Variants in ADCY6 observed in about 807,000 individuals in gnomAD.
The protein encoded by ADCY6 is adenylate cyclase 6, also known as adenylate cyclase type 6.
Under a neutral mutation model 111.6 loss-of-function variants are expected in ADCY6, and 59 were observed. That is an observed-to-expected ratio of 0.53 (90% CI 0.43 to 0.66). The LOEUF (loss-of-function observed/expected upper bound fraction) is 0.66, where lower values mean the gene tolerates loss of function less well. Among genes scored for constraint, ADCY6 ranks in the 30% least tolerant of loss-of-function variants. The pLI, the probability that ADCY6 is intolerant of heterozygous loss-of-function variation, is 0.00. For synonymous variants in ADCY6, 576 were observed against 642.9 expected, an observed-to-expected ratio of 0.90 and a Z score of 1.57; for missense variants, 1,242 against 1,595.6, an observed-to-expected ratio of 0.78 and a Z score of 3.78.
Position 48,776,353 on chromosome 12 carries a change from G to A in ADCY6, c.1536-3C>T, listed in dbSNP as rs376721184. The A allele has an allele frequency of 2.5e-6, 4 of 1,614,082 alleles. No individual in the cohort carries two copies. The African/African-American group carries it at 4.0e-5, about 16-fold the overall frequency. ...TTGCCCGAGTGATGTGGATGCGGCTGTATGTGGCCAAGAGGGTGAGACCCT... is the reference window on the plus strand; with the variant it reads ...TTGCCCGAGTGATGTGGATGCGGCTATATGTGGCCAAGAGGGTGAGACCCT... On this transcript the variant is annotated splice_region_variant and splice_polypyrimidine_tract_variant and intron_variant, in intron 7 of 21. Coordinates refer to ENST00000357869, the MANE Select transcript of ADCY6 (RefSeq NM_015270.5). The surrounding 1 kb of genome is among the most constrained non-coding windows in gnomAD (Gnocchi z 6.1).
Position 48,782,720 on chromosome 12 carries a change from G to A in ADCY6, c.715C>T (p.Leu239Phe), listed in dbSNP as rs200593680. 13 of 1,595,066 alleles carry A rather than the reference G, an allele frequency of 8.2e-6. No individual in the cohort carries two copies. The highest frequency in any genetic ancestry group is 1.1e-5 in the Non-Finnish European group (13 of 1,170,292). ...TAGACAAAGAACACAGGGCACCAGA[G>A]GCCCGCAGAGGGGCTGCGCGGGTCT... ...AADPRSPSAG[L>F]WCPVFFVYIA... The change falls in exon 2 of 22, where the codon CTC becomes TTC. Residue 239 changes from leucine to phenylalanine, a missense_variant. Transcript: ENST00000357869. This position sits in a 1 kb window ranked among gnomAD's most constrained non-coding sequence, Gnocchi z 4.3.
intron 1 of ADCY6, among the ~76,000 whole-genome samples, chr12:48,788,438 G>T (rs923737915): frequency 3.3e-5 from 5 of 152,044 alleles, no homozygotes; most frequent in Admixed American, 6.5e-5. Context: ...GTGGGGAGCC[G>T]ACCCCACCCC....
In ADCY6 at chr12:48,777,190, G is replaced by A; in HGVS notation, c.1290C>T (p.Tyr430=). 6.2e-7 allele frequency: 1 copy of A among 1,613,950 alleles called. No individual in the cohort carries two copies. ...CCTCCGGCAGCCCTGACACACAGTA[G>A]TAACAGTCCCCCAAGATCTTGATCC... ...CLRIKILGDC[Y]YCVSGLPEAR... is the part of the protein sequence containing the mutation. The change falls in exon 6 of 22, where the codon TAC becomes TAT. Residue 430 remains tyrosine (Y), a synonymous_variant. Transcript: ENST00000357869. The surrounding 1 kb of genome is among the most constrained non-coding windows in gnomAD (Gnocchi z 4.9).
At chr12:48,783,973 C>A (rs959662395) in intron 1 of ADCY6, 1 of 157,004 alleles carries the variant, frequency 6.4e-6, no homozygotes, top group Non-Finnish European at 1.4e-5. Flanking sequence ...ATCCCAGCTA[C>A]TCAGGAGCTG....
chr12:48,778,222 G>T lies in ADCY6; in HGVS notation c.900C>A (p.Asn300Lys). 2 of 1,614,116 alleles carry T rather than the reference G, an allele frequency of 1.2e-6. No homozygotes were observed. Among genetic ancestry groups the T allele is most frequent in the Non-Finnish European group, 1.7e-6 (2 of 1,180,000 alleles). Residue 300 changes from asparagine (N) to lysine (K), a missense_variant, in exon 3 of 22, where the codon AAC becomes AAA. Asn to Lys is a moderately conservative substitution (Grantham distance 94, BLOSUM62 0). Around this residue, in one of 4 missense-constraint regions of ADCY6, gnomAD observed 260 missense variants for 414.6 expected, o/e 0.63. Transcript: ENST00000357869. Reference protein sequence around the residue: ...GANVLLFLCTNVIGICTHYPA... With the variant: ...GANVLLFLCTKVIGICTHYPA... ...GATAGTGTGTGCAGATGCCAATGAC[G>T]TTGGTGCAGAGGAACAGCAGCACAT... is the stretch of plus-strand genomic sequence containing the variant.
At chr12:48,773,748 A>G in intron 15 of ADCY6, 101 bp from the exon 16 acceptor site, 1 of 1,500,706 alleles carries the variant, frequency 6.7e-7, no homozygotes, top group Non-Finnish European at 9.2e-7. Flanking sequence ...CCTTCCCACC[A>G]CACCCCTCAA....
intron 1 of ADCY6, among the ~76,000 whole-genome samples, chr12:48,785,606 C>T (rs536983677): frequency 1.9e-4 from 29 of 152,140 alleles, no homozygotes; most frequent in African/African-American, 5.8e-4. Flanking sequence ...GCAATAAGAG[C>T]GAAACTCCAT....
chr12:48,783,708 C>T (rs767481394), intron 1 of ADCY6: 11 of 599,274 alleles, frequency 1.8e-5, no homozygotes, highest in Non-Finnish European at 2.7e-5. Flanking sequence ...TTTGTGAGGC[C>T]GAGATAGGAG....
chr12:48,770,181 G>A (rs911566864), intron 20 of ADCY6, among the ~76,000 whole-genome samples: 1 of 151,268 alleles, frequency 6.6e-6, no homozygotes, highest in African/African-American at 2.4e-5. Context: ...TGGGATTACA[G>A]GCATGATCCA....
At chr12:48,781,451 G>A (rs1042028945) in intron 2 of ADCY6, among the ~76,000 whole-genome samples, 1 of 152,180 alleles carries the variant, frequency 6.6e-6, no homozygotes, top group Non-Finnish European at 1.5e-5. Context: ...CTACAGCAGC[G>A]CCTGAAGGAC....
Position 48,771,419 on chromosome 12 carries a change from A to T in ADCY6, c.3051+291T>A, listed in dbSNP as rs1172842303. 5 of 544,826 alleles carry T rather than the reference A, an allele frequency of 9.2e-6. No homozygotes were observed. Among genetic ancestry groups the T allele is most frequent in the Non-Finnish European group, 1.3e-5 (4 of 299,870 alleles). The allele number at this position is 544,826 out of a possible 1,614,324, so 33.7% of individuals were successfully genotyped here. A position where few individuals can be genotyped will look rare whatever the true frequency, so the allele number is the denominator to read the frequency against. On this transcript the variant is annotated intron_variant, in intron 19 of 21. Coordinates refer to ENST00000357869, the MANE Select transcript of ADCY6 (RefSeq NM_015270.5). The surrounding 1 kb of genome is among the most constrained non-coding windows in gnomAD (Gnocchi z 4.3). ...TCTCATGAGGTTCTGTCCACAGACT[A>T]TTGCCTTCTTCTTCAGTGACATCCA...
intron 2 of ADCY6, 36 bp from the exon 3 acceptor site, chr12:48,778,293 C>A: frequency 6.2e-7 from 1 of 1,613,548 alleles, no homozygotes; most frequent in Non-Finnish European, 8.5e-7. Context: ...GTGACCATCT[C>A]CTCTGCCTGC....
intron 3 of ADCY6, 69 bp downstream of exon 3, chr12:48,778,039 G>A (rs1941749837): frequency 2.6e-6 from 4 of 1,539,758 alleles, no homozygotes; most frequent in Non-Finnish European, 2.6e-6. Flanking sequence ...GGACAAGGCA[G>A]CAGATCCAAT....
intron 1 of ADCY6, 113 bp downstream of exon 1, chr12:48,788,793 A>C (rs68003719): frequency 0.22 from 33,380 of 152,092 alleles, 3,993 homozygotes; most frequent in African/African-American, 0.31. Flanking sequence ...CGACCCGTCC[A>C]AGGCTTCGGC....
intron 15 of ADCY6, 81 bp downstream of exon 15, chr12:48,773,859 C>T (rs1325165874): frequency 1.2e-5 from 18 of 1,546,084 alleles, no homozygotes; most frequent in South Asian, 3.6e-5. Flanking sequence ...GGGTCCCCAG[C>T]GCCCATCACC....
intron 20 of ADCY6, among the ~76,000 whole-genome samples, chr12:48,769,765 T>TG (rs975707197): frequency 2.0e-5 from 3 of 149,880 alleles, no homozygotes; most frequent in African/African-American, 4.9e-5. Flanking sequence ...TTTTGTTTTT[T>TG]TTTTTTTTTT....
chr12:48,776,616 T>C lies in ADCY6; in HGVS notation c.1377-30A>G. The C allele has an allele frequency of 6.3e-7, 1 of 1,584,178 alleles. No homozygotes were observed. On this transcript the variant is annotated intron_variant, in intron 6 of 21. Coordinates refer to ENST00000357869, the MANE Select transcript of ADCY6 (RefSeq NM_015270.5). The surrounding 1 kb of genome is among the most constrained non-coding windows in gnomAD (Gnocchi z 6.1). ...GAGGATGCAGCCCCAGATCAGCTCC[T>C]GGCAGTCTTCCCCTCCCCCAGCCCA...
At chr12:48,788,074 C>G (rs1764776965) in intron 1 of ADCY6, among the ~76,000 whole-genome samples, 1 of 152,128 alleles carries the variant, frequency 6.6e-6, no homozygotes, top group African/African-American at 2.4e-5. Flanking sequence ...CGGGGCCCAG[C>G]AGTGCCAGCA....
Position 48,778,173 on chromosome 12 carries a change from C to T in ADCY6, c.949G>A (p.Ala317Thr). ...HYPAEVSQRQ[A>T]FQETRGYIQA... is the part of the protein sequence containing the mutation. ...ATGTAACCGCGGGTCTCCTGAAAGG[C>T]CTGGCGCTGAGACACCTCTGCTGGA... is the stretch of plus-strand genomic sequence containing the variant. Residue 317 changes from alanine (A) to threonine (T), a missense_variant, in exon 3 of 22, where the codon GCC becomes ACC. Around this residue, in one of 4 missense-constraint regions of ADCY6, gnomAD observed 260 missense variants for 414.6 expected, o/e 0.63. Transcript: ENST00000357869. 1.9e-6 allele frequency: 3 copies of T among 1,614,098 alleles called. No homozygotes were observed. The highest frequency in any genetic ancestry group is 2.5e-6 in the Non-Finnish European group (3 of 1,180,020).
Sources: gnomAD v4.1 joint callset for allele counts (sites outside exome capture counted in the v4.1 genomes callset) on GRCh38, gnomAD v4.1.1 for gene constraint, gnomAD v4.1.1 regional missense constraint, Gnocchi (gnomAD v3.1) non-coding constraint, MANE v1.5 for transcripts, NCBI Gene and HGNC (gene_info 2026-07-23, HGNC 2026-07-21) for gene names.